The following CTNND2 variants were observed in gnomAD, a reference collection of about 807,000 sequenced individuals.
CTNND2 encodes the protein catenin delta 2.
CTNND2 carries 22 observed loss-of-function variants against 144.4 expected under a neutral mutation model. That is an observed-to-expected ratio of 0.15 (90% CI 0.11 to 0.22). The LOEUF is 0.22. Ranked by LOEUF, CTNND2 falls within the 10% of genes least tolerant of loss-of-function variation. CTNND2 has a pLI of 1.00. For synonymous variants in CTNND2, 751 were observed against 695.6 expected, an observed-to-expected ratio of 1.08 and a Z score of -1.25; for missense variants, 1,353 against 1,618.8, an observed-to-expected ratio of 0.84 and a Z score of 2.82.
At chr5:11,119,514 G>A (rs1013988292) in intron 12 of CTNND2, among the ~76,000 whole-genome samples, 2 of 152,232 alleles carry the variant, frequency 1.3e-5, no homozygotes, top group Non-Finnish European at 2.9e-5. Flanking sequence ...GTGGTGGCCA[G>A]AGAGGAACTA....
intron 11 of CTNND2, among the ~76,000 whole-genome samples, chr5:11,160,233 T>C (rs1758638798): frequency 2.6e-5 from 4 of 152,226 alleles, no homozygotes; most frequent in Admixed American, 2.6e-4. Flanking sequence ...AGGACCCTTA[T>C]GAGAATCCAG....
At chr5:11,718,245 C>T (rs1223204510) in intron 2 of CTNND2, among the ~76,000 whole-genome samples, 1 of 152,130 alleles carries the variant, frequency 6.6e-6, no homozygotes, top group Non-Finnish European at 1.5e-5. Flanking sequence ...CTTTGCACAG[C>T]ATAATTCAAA....
At chr5:11,420,015 G>A (rs956655250) in intron 3 of CTNND2, among the ~76,000 whole-genome samples, 12 of 152,176 alleles carry the variant, frequency 7.9e-5, no homozygotes, top group African/African-American at 2.9e-4. Flanking sequence ...AAACTACTGG[G>A]AAATAAATTG....
Position 11,222,185 on chromosome 5 carries a change from A to G in CTNND2, c.1761+14506T>C, listed in dbSNP as rs577093815. On this transcript the variant is annotated intron_variant, in intron 10 of 21. Coordinates refer to ENST00000304623, the MANE Select transcript of CTNND2 (RefSeq NM_001332.4). The stretch of plus-strand genomic sequence containing the variant: ...GTGGGTGGAGAGGCGGGGGGAAGAT[A>G]AAAAGAAGACCCATTAAAATAGAAG... 2.0e-5 allele frequency among the ~76,000 whole-genome samples: 3 copies of G among 152,288 alleles called. No homozygotes were observed. The South Asian group carries it at 6.2e-4, about 32-fold the overall frequency.
At chr5:11,811,926 T>C (rs1050451292) in intron 1 of CTNND2, among the ~76,000 whole-genome samples, 21 of 152,120 alleles carry the variant, frequency 1.4e-4, no homozygotes, top group Middle Eastern at 3.4e-3. Context: ...TTTTTAAAGA[T>C]TTTTAAAAAA....
At chr5:11,134,247 T>G (rs1262126268) in intron 12 of CTNND2, among the ~76,000 whole-genome samples, 1 of 152,134 alleles carries the variant, frequency 6.6e-6, no homozygotes. Flanking sequence ...TGAGAACAAC[T>G]CCTGGCTGAC....
chr5:11,634,302 G>T (rs1027756797), intron 2 of CTNND2, among the ~76,000 whole-genome samples: 12 of 152,182 alleles, frequency 7.9e-5, no homozygotes, highest in African/African-American at 2.7e-4. Flanking sequence ...GAGAAGGGTG[G>T]CTTCTCCCCT....
intron 15 of CTNND2, among the ~76,000 whole-genome samples, chr5:11,083,678 G>C (rs913142080): frequency 6.6e-6 from 1 of 152,232 alleles, no homozygotes; most frequent in Non-Finnish European, 1.5e-5. Context: ...GGAGAAGAGA[G>C]TACAATATAA....
At chr5:11,041,545 C>T (rs1744699667) in intron 16 of CTNND2, among the ~76,000 whole-genome samples, 1 of 152,126 alleles carries the variant, frequency 6.6e-6, no homozygotes, top group Non-Finnish European at 1.5e-5. Flanking sequence ...CTGTGTGACA[C>T]CTTCCCTGTC....
At chr5:11,235,483 T>G (rs1460070954) in intron 10 of CTNND2, among the ~76,000 whole-genome samples, 1 of 152,230 alleles carries the variant, frequency 6.6e-6, no homozygotes, top group Non-Finnish European at 1.5e-5. Context: ...TTTAAAATTT[T>G]TCTTAGATGG....
At chr5:10,994,479 G>A (rs1209410917) in intron 18 of CTNND2, among the ~76,000 whole-genome samples, 2 of 110,688 alleles carry the variant, frequency 1.8e-5, no homozygotes, top group South Asian at 3.9e-4. Flanking sequence ...GGGGGGCGGG[G>A]AAGGAGGGGC....
At chr5:11,029,437 C>T (rs771018205) in intron 16 of CTNND2, among the ~76,000 whole-genome samples, 16 of 151,912 alleles carry the variant, frequency 1.1e-4, no homozygotes, top group African/African-American at 1.7e-4. Context: ...TATTTTCTTT[C>T]GTCTATATAG....
chr5:11,082,903 A>G, intron 15 of CTNND2, 57 bp from the exon 16 acceptor site: 2 of 1,589,550 alleles, frequency 1.3e-6, no homozygotes, highest in Non-Finnish European at 1.7e-6. Context: ...CTGCATGCAA[A>G]TAGTACATTT....
chr5:11,256,520 T>G (rs145333575), intron 9 of CTNND2, among the ~76,000 whole-genome samples: 214 of 152,320 alleles, frequency 1.4e-3, no homozygotes, highest in African/African-American at 4.8e-3. Flanking sequence ...GCATACTTCT[T>G]TGCATATAGT....
chr5:10,984,068 C>A (rs947862983), intron 20 of CTNND2, among the ~76,000 whole-genome samples: 2 of 152,218 alleles, frequency 1.3e-5, no homozygotes, highest in African/African-American at 2.4e-5. Context: ...TCCGCCTGCA[C>A]CCCCATCTCA....
chr5:11,842,722 AC>A (rs201794670), intron 1 of CTNND2, among the ~76,000 whole-genome samples: 146 of 149,466 alleles, frequency 9.8e-4, no homozygotes, highest in Admixed American at 2.1e-3. Context: ...CGGTCTCAGA[AC>A]AAAAAAAAAA....
intron 1 of CTNND2, among the ~76,000 whole-genome samples, chr5:11,807,078 C>T (rs1167231800): frequency 1.3e-5 from 2 of 152,100 alleles, no homozygotes; most frequent in Non-Finnish European, 2.9e-5. Flanking sequence ...TATATCACCC[C>T]TGCTTAAACT....
In CTNND2 at chr5:11,890,389, C is replaced by T. The variant is rs140392389; in HGVS notation, c.37+13428G>A. 4.4e-3 allele frequency among the ~76,000 whole-genome samples: 670 copies of T among 152,240 alleles called. 5 individuals are homozygous for T. The highest frequency in any genetic ancestry group is 0.015 in the African/African-American group (636 of 41,520). ...ATGCCAGGACATCCATGGCAGCTGA[C>T]CAGAGAGGCAAAAAGCACTATATTA... is the stretch of plus-strand genomic sequence containing the variant. On this transcript the variant is annotated intron_variant, in intron 1 of 21. Coordinates refer to ENST00000304623, the MANE Select transcript of CTNND2 (RefSeq NM_001332.4).
chr5:11,105,621 CAG>C (rs1392925318), intron 14 of CTNND2, among the ~76,000 whole-genome samples: 17 of 152,302 alleles, frequency 1.1e-4, no homozygotes, highest in South Asian at 1.0e-3. Context: ...ACACCTGAAA[CAG>C]AGTTTTAAGT....
Sources: allele counts gnomAD v4.1 joint callset (sites outside exome capture counted in the v4.1 genomes callset), GRCh38; gene constraint gnomAD v4.1.1; transcripts MANE v1.5; gene names NCBI Gene and HGNC (gene_info 2026-07-23, HGNC 2026-07-21).